Variants in CIAO2A observed in about 807,000 individuals in gnomAD.
CIAO2A encodes MIP18 family protein FAM96A.
CIAO2A carries 17 observed loss-of-function variants against 22.4 expected under a neutral mutation model. The ratio of observed to expected loss-of-function variants is 0.76; its 90% CI spans 0.52 to 1.14. CIAO2A has a LOEUF of 1.14. Among genes scored for constraint, CIAO2A ranks in the 50% most tolerant of loss-of-function variants. CIAO2A has a pLI of 0.00. For missense variants in CIAO2A, 192 were observed against 191.4 expected (o/e 1.00, Z -0.02); for synonymous variants, 74 against 72.3 (o/e 1.02, Z -0.12).
intron 2 of CIAO2A, among the ~76,000 whole-genome samples, chr15:64,085,507 C>CA (rs1178656847): frequency 6.6e-6 from 1 of 151,650 alleles, no homozygotes; most frequent in East Asian, 1.9e-4. Flanking sequence ...GTCTCAACAA[C>CA]AAAAAAAATT....
At chr15:64,079,550 G>C (rs1447426072) in intron 3 of CIAO2A, among the ~76,000 whole-genome samples, 1 of 152,136 alleles carries the variant, frequency 6.6e-6, no homozygotes, top group African/African-American at 2.4e-5. Context: ...AAGATGTGTA[G>C]GATTTGAACA....
At chr15:64,085,986 G>C (rs1242751077) in intron 2 of CIAO2A, among the ~76,000 whole-genome samples, 1 of 151,888 alleles carries the variant, frequency 6.6e-6, no homozygotes, top group African/African-American at 2.4e-5. Flanking sequence ...GGGATTACAA[G>C]AGTGAGCCAC....
intron 3 of CIAO2A, among the ~76,000 whole-genome samples, chr15:64,076,873 G>C (rs767535955): frequency 6.6e-6 from 1 of 150,852 alleles, no homozygotes; most frequent in African/African-American, 2.4e-5. Context: ...CTCCTCCCTC[G>C]TCTCTATTTT....
intron 2 of CIAO2A, among the ~76,000 whole-genome samples, chr15:64,085,627 C>T (rs2080788468): frequency 6.6e-6 from 1 of 152,184 alleles, no homozygotes; most frequent in Non-Finnish European, 1.5e-5. Context: ...GATAAGGAAA[C>T]TGGGTCTTGG....
intron 3 of CIAO2A, among the ~76,000 whole-genome samples, chr15:64,080,259 A>G (rs756651216): frequency 3.3e-5 from 5 of 152,050 alleles, no homozygotes; most frequent in Non-Finnish European, 7.4e-5. Flanking sequence ...ATGGTGGTAC[A>G]TGCCTATAAT....
chr15:64,088,829 G>A lies in CIAO2A; in HGVS notation c.147C>T (p.Asp49=), dbSNP rs780270751. Residue 49 remains aspartate (D), a synonymous_variant, in exon 2 of 5, where the codon GAC becomes GAT. Transcript: ENST00000300030. ...EVYDLIRTIR[D]PEKPNTLEEL... is the part of the protein sequence containing the mutation. ...CTTCTAAAGTATTGGGCTTTTCTGG[G>A]TCCCGGATAGTTCTAATCAAATCTA... is the stretch of plus-strand genomic sequence containing the variant. The A allele has an allele frequency of 6.2e-7, 1 of 1,613,110 alleles. No individual in the cohort carries two copies. Among genetic ancestry groups the A allele is most frequent in the South Asian group, 1.1e-5 (1 of 90,794 alleles).
intron 3 of CIAO2A, among the ~76,000 whole-genome samples, chr15:64,080,553 G>C (rs1023737745): frequency 2.6e-5 from 4 of 151,840 alleles, no homozygotes; most frequent in Non-Finnish European, 4.4e-5. Context: ...GTGGTGGTGG[G>C]CACCTGTAGT....
chr15:64,089,464 A>G (rs1276359595), intron 1 of CIAO2A, among the ~76,000 whole-genome samples: 1 of 143,228 alleles, frequency 7.0e-6, no homozygotes, highest in Non-Finnish European at 1.5e-5. Context: ...GAGAGCGGAG[A>G]TCGTGTCACC....
At chr15:64,084,066 A>G (rs1489285558) in intron 2 of CIAO2A, among the ~76,000 whole-genome samples, 4 of 152,246 alleles carry the variant, frequency 2.6e-5, no homozygotes, top group African/African-American at 9.6e-5. Context: ...TGAAATATCA[A>G]CTATAATCTA....
At chr15:64,093,389 T>TA (rs1328057906) in intron 1 of CIAO2A, among the ~76,000 whole-genome samples, 1 of 152,092 alleles carries the variant, frequency 6.6e-6, no homozygotes, top group Non-Finnish European at 1.5e-5. Flanking sequence ...ATGAAGCTTT[T>TA]AAGACCTCTG....
chr15:64,093,681 G>A lies in CIAO2A; in HGVS notation c.88C>T (p.Pro30Ser), dbSNP rs1324364725. Residue 30 changes from proline to serine, a missense_variant, in exon 1 of 5, where the codon CCC becomes TCC. Transcript: ENST00000300030. ...AGCGCTTTCTCTTCCATGATCCGGG[G>A]CTGCCGGGCAGCTCCCGGCTCAGAG... is the stretch of plus-strand genomic sequence containing the variant. ...GLSEPGAARQ[P>S]RIMEEKALEV... 2.5e-6 allele frequency: 4 copies of A among 1,613,964 alleles called. No individual in the cohort carries two copies. The highest frequency in any genetic ancestry group is 2.5e-6 in the Non-Finnish European group (3 of 1,179,918).
At chr15:64,083,860 T>C (rs903912431) in intron 2 of CIAO2A, among the ~76,000 whole-genome samples, 2 of 151,846 alleles carry the variant, frequency 1.3e-5, no homozygotes, top group African/African-American at 2.4e-5. Context: ...CGAGAATCGC[T>C]TGAACCCAGG....
At chr15:64,087,240 C>T (rs1340989421) in intron 2 of CIAO2A, among the ~76,000 whole-genome samples, 1 of 151,872 alleles carries the variant, frequency 6.6e-6, no homozygotes. Context: ...TACAGGCACC[C>T]GTCACCATGC....
At chr15:64,073,107 G>GAAAAAAA in intron 4 of CIAO2A, 79 bp from the exon 5 acceptor site, 1 of 923,300 alleles carries the variant, frequency 1.1e-6, no homozygotes, top group Non-Finnish European at 1.7e-6. Context: ...TTAGCCTGCT[G>GAAAAAAA]AAACAAAAAC....
At position 64,093,793 on chromosome 15, in the gene CIAO2A, A is replaced by G; in HGVS notation, c.-25T>C. 6.2e-7 allele frequency: 1 copy of G among 1,606,222 alleles called. No individual in the cohort carries two copies. Among genetic ancestry groups the G allele is most frequent in the South Asian group, 1.1e-5 (1 of 90,816 alleles). On this transcript the variant is annotated 5_prime_UTR_variant, in exon 1 of 5. Coordinates refer to ENST00000300030, the MANE Select transcript of CIAO2A (RefSeq NM_032231.7). ...TCTTCACGCTCAGCCATCCCTGGCG[A>G]CTGTCCCAATCGCGCCACCGTCTCT... is the stretch of plus-strand genomic sequence containing the variant.
At chr15:64,076,422 TATC>T (rs1378161974) in intron 3 of CIAO2A, among the ~76,000 whole-genome samples, 2 of 152,178 alleles carry the variant, frequency 1.3e-5, no homozygotes, top group Non-Finnish European at 2.9e-5. Flanking sequence ...CATTCATTAT[TATC>T]ATGCTAAATT....
chr15:64,075,582 CTAAGA>C (rs761660056), intron 3 of CIAO2A, 45 bp from the exon 4 acceptor site: 2 of 1,221,756 alleles, frequency 1.6e-6, no homozygotes, highest in Non-Finnish European at 2.4e-6. Flanking sequence ...TTAATGCATT[CTAAGA>C]TAAGAGAGTG....
At chr15:64,076,986 G>A (rs915367955) in intron 3 of CIAO2A, among the ~76,000 whole-genome samples, 4 of 152,028 alleles carry the variant, frequency 2.6e-5, no homozygotes, top group African/African-American at 9.7e-5. Flanking sequence ...GATTATAGGC[G>A]TGAGCCACTG....
intron 3 of CIAO2A, among the ~76,000 whole-genome samples, chr15:64,076,598 G>C (rs2080718931): frequency 1.3e-5 from 2 of 151,840 alleles, no homozygotes; most frequent in African/African-American, 4.8e-5. Flanking sequence ...ACTTTCCAGA[G>C]AACACTGGAA....
Sources: gnomAD v4.1 joint callset for allele counts (sites outside exome capture counted in the v4.1 genomes callset) on GRCh38, gnomAD v4.1.1 for gene constraint, MANE v1.5 for transcripts, NCBI Gene and HGNC (gene_info 2026-07-23, HGNC 2026-07-21) for gene names.